SAFB: variants seen among roughly 807,000 people sequenced by gnomAD.
The protein encoded by SAFB is scaffold attachment factor B1.
SAFB carries 15 observed loss-of-function variants against 101.6 expected under a neutral mutation model. The ratio of observed to expected loss-of-function variants is 0.15; its 90% CI spans 0.10 to 0.23. The LOEUF (loss-of-function observed/expected upper bound fraction) is 0.23, where lower values mean the gene tolerates loss of function less well. Ranked by LOEUF, SAFB falls within the 10% of genes least tolerant of loss-of-function variation. SAFB has a pLI of 1.00. For synonymous variants in SAFB, 449 were observed against 407.5 expected, an observed-to-expected ratio of 1.10 and a Z score of -1.23; for missense variants, 930 against 1,104.1, an observed-to-expected ratio of 0.84 and a Z score of 2.23.
At chr19:5,666,131 A>G (rs767595999) in intron 17 of SAFB, 5 of 152,342 alleles carry the variant, frequency 3.3e-5, no homozygotes, top group South Asian at 2.1e-4. Context: ...TCATGGGGCA[A>G]AAACCCCAGA....
intron 2 of SAFB, among the ~76,000 whole-genome samples, chr19:5,640,473 C>G (rs902684511): frequency 3.4e-5 from 5 of 144,964 alleles, no homozygotes; most frequent in African/African-American, 1.3e-4. Context: ...TCAAGCGATT[C>G]TCCTGCCTCA....
At chr19:5,647,635 G>A (rs191028498) in intron 5 of SAFB, among the ~76,000 whole-genome samples, 43 of 152,298 alleles carry the variant, frequency 2.8e-4, no homozygotes, top group African/African-American at 4.3e-4. Flanking sequence ...GAAAGTTGTC[G>A]TAGCTTCATT....
At chr19:5,642,651 C>CT (rs767488519) in intron 4 of SAFB, among the ~76,000 whole-genome samples, 13,725 of 70,678 alleles carry the variant, frequency 0.19, 3,443 homozygotes, top group African/African-American at 0.28. Flanking sequence ...CCCTTCCTTT[C>CT]TTTTTTTTTT....
At chr19:5,623,640 C>T (rs1378924952) in intron 1 of SAFB, among the ~76,000 whole-genome samples, 5 of 152,148 alleles carry the variant, frequency 3.3e-5, no homozygotes, top group African/African-American at 1.2e-4. Flanking sequence ...GCAGGAGAAA[C>T]GGTGACGGGT....
chr19:5,637,821 T>A (rs949922932), intron 2 of SAFB, among the ~76,000 whole-genome samples: 1 of 152,244 alleles, frequency 6.6e-6, no homozygotes, highest in African/African-American at 2.4e-5. Context: ...TGGCAGTAGC[T>A]CTAAAACATG....
At chr19:5,645,779 T>C (rs968065430) in intron 5 of SAFB, among the ~76,000 whole-genome samples, 1 of 152,164 alleles carries the variant, frequency 6.6e-6, no homozygotes, top group Middle Eastern at 3.4e-3. Context: ...CTGGGAAAGA[T>C]GAGTAGGGCC....
rs1599341332 is a variant in SAFB, at chr19:5,641,795, G to A, written c.395G>A (p.Ser132Asn). 6.2e-7 allele frequency: 1 copy of A among 1,614,122 alleles called. No homozygotes were observed. The highest frequency in any genetic ancestry group is 8.5e-7 in the Non-Finnish European group (1 of 1,180,034). ...NLQDIDIMDI[S>N]VLDEAEIDNG... ...CAGGACATCGACATCATGGATATCA[G>A]TGTGTTGGATGAAGCAGAAATTGAT... is the stretch of plus-strand genomic sequence containing the variant. Residue 132 changes from serine (S) to asparagine (N), a missense_variant, in exon 4 of 21, where the codon AGT (serine) becomes AAT (asparagine). Coordinates refer to ENST00000588852, the MANE Select transcript of SAFB (RefSeq NM_001201338.2).
At chr19:5,659,230 A>G (rs1233342688) in intron 14 of SAFB, among the ~76,000 whole-genome samples, 2 of 151,078 alleles carry the variant, frequency 1.3e-5, no homozygotes, top group African/African-American at 4.9e-5. Context: ...GTTTGAACCC[A>G]GGGGGTGGAG....
rs747969424 is a variant in SAFB, at chr19:5,623,141, G to A, written c.-65G>A. 91 of 1,495,562 alleles carry A rather than the reference G, an allele frequency of 6.1e-5. No homozygotes were observed. The Middle Eastern group carries it at 7.0e-4, about 12-fold the overall frequency. The allele number at this position is 1,495,562 out of a possible 1,614,324, so 92.6% of individuals were successfully genotyped here. A position where few individuals can be genotyped will look rare whatever the true frequency, so the allele number is the denominator to read the frequency against. ...TCCCTCGCAGGCGGCGCCATTTTGTGCTAGGAGCCTGATAAAACCGGCCCG... is the reference window on the plus strand; with the variant it reads ...TCCCTCGCAGGCGGCGCCATTTTGTACTAGGAGCCTGATAAAACCGGCCCG... On this transcript the variant is annotated 5_prime_UTR_variant, in exon 1 of 21. Transcript: ENST00000588852.
At chr19:5,647,347 G>A (rs2053847901) in intron 5 of SAFB, among the ~76,000 whole-genome samples, 1 of 152,194 alleles carries the variant, frequency 6.6e-6, no homozygotes, top group Non-Finnish European at 1.5e-5. Flanking sequence ...AGGCCACAGA[G>A]GGACATGAGC....
chr19:5,653,506 G>C, intron 11 of SAFB, 86 bp downstream of exon 11: 2 of 1,189,268 alleles, frequency 1.7e-6, no homozygotes, highest in Non-Finnish European at 2.4e-6. Flanking sequence ...GCGCTCTGTC[G>C]CCCAGACTGG....
chr19:5,645,566 A>G (rs2053810339), intron 5 of SAFB, among the ~76,000 whole-genome samples, 167 bp downstream of exon 5: 2 of 152,194 alleles, frequency 1.3e-5, no homozygotes, highest in Admixed American at 6.5e-5. Context: ...TCCAAATATA[A>G]TGTACGCATT....
intron 15 of SAFB, 77 bp downstream of exon 15, chr19:5,661,885 A>G (rs866064994): frequency 3.6e-6 from 3 of 833,392 alleles, no homozygotes; most frequent in African/African-American, 1.8e-5. Flanking sequence ...TTAGCTTGAG[A>G]TTTTTTTTTT....
At chr19:5,661,338 C>A (rs534521344) in intron 14 of SAFB, 180 bp from the exon 15 acceptor site, 112 of 1,099,040 alleles carry the variant, frequency 1.0e-4, no homozygotes, top group Non-Finnish European at 1.3e-4. Context: ...CTCCTGAGAT[C>A]TTCCTGGGCT....
chr19:5,641,047 T>C (rs184003649), intron 2 of SAFB, among the ~76,000 whole-genome samples: 104 of 152,172 alleles, frequency 6.8e-4, no homozygotes, highest in Non-Finnish European at 1.1e-3. Flanking sequence ...GTCCTGTATT[T>C]TTAGTAGAGA....
intron 2 of SAFB, among the ~76,000 whole-genome samples, chr19:5,634,663 T>C (rs1005550839): frequency 3.9e-5 from 6 of 152,084 alleles, no homozygotes; most frequent in Non-Finnish European, 7.4e-5. Flanking sequence ...TTGAATGTTC[T>C]GACAAATCAG....
At chr19:5,666,004 C>T (rs1327845759) in intron 17 of SAFB, 1 of 152,228 alleles carries the variant, frequency 6.6e-6, no homozygotes, top group Non-Finnish European at 1.5e-5. Context: ...TCCCTTCACC[C>T]TGGCAGAGCT....
intron 1 of SAFB, among the ~76,000 whole-genome samples, chr19:5,625,757 C>A (rs2053343888): frequency 6.6e-6 from 1 of 152,156 alleles, no homozygotes; most frequent in African/African-American, 2.4e-5. Flanking sequence ...TCTTATAATT[C>A]AATATCCGAT....
rs766956314 is a variant in SAFB, at chr19:5,653,314, G to A, written c.1444-24G>A. On this transcript the variant is annotated intron_variant, in intron 10 of 20. Coordinates refer to ENST00000588852, the MANE Select transcript of SAFB (RefSeq NM_001201338.2). ...ATATAGCCCACATTAGGAAATGGGGGTAATACTTGATTCTCTTTTTCAGGC... is the reference window on the plus strand; with the variant it reads ...ATATAGCCCACATTAGGAAATGGGGATAATACTTGATTCTCTTTTTCAGGC... 3.1e-6 allele frequency: 5 copies of A among 1,613,964 alleles called. No homozygotes were observed. The South Asian group carries it at 5.5e-5, about 18-fold the overall frequency.
Sources: gnomAD v4.1 joint callset for allele counts (sites outside exome capture counted in the v4.1 genomes callset) on GRCh38, gnomAD v4.1.1 for gene constraint, MANE v1.5 for transcripts, NCBI Gene and HGNC (gene_info 2026-07-23, HGNC 2026-07-21) for gene names.